The following DNAJC5B variants were observed in gnomAD, a reference collection of about 807,000 sequenced individuals.
DNAJC5B encodes the protein DnaJ heat shock protein family (Hsp40) member C5 beta.
In DNAJC5B, 23 loss-of-function variants were observed where a neutral mutation model predicts 24.7. That is an observed-to-expected ratio of 0.93 (90% CI 0.67 to 1.32). DNAJC5B has a LOEUF of 1.32. DNAJC5B is among the 40% of genes most tolerant of loss of function. The pLI is 0.00. For missense variants in DNAJC5B, 238 were observed against 240.8 expected (o/e 0.99, Z 0.08); for synonymous variants, 101 against 90.1 (o/e 1.12, Z -0.68).
chr8:66,077,566 C>A (rs933040221), intron 4 of DNAJC5B, among the ~76,000 whole-genome samples: 1 of 152,104 alleles, frequency 6.6e-6, no homozygotes, highest in Non-Finnish European at 1.5e-5. Flanking sequence ...ATATTAATAT[C>A]CTTATCTTCT....
intron 3 of DNAJC5B, among the ~76,000 whole-genome samples, chr8:66,063,177 A>C (rs374954713): frequency 6.6e-6 from 1 of 152,204 alleles, no homozygotes; most frequent in East Asian, 1.9e-4. Flanking sequence ...ATTTGACTTC[A>C]CATGGAATTT....
At chr8:66,034,825 G>A (rs1470320272) in intron 1 of DNAJC5B, among the ~76,000 whole-genome samples, 1 of 152,090 alleles carries the variant, frequency 6.6e-6, no homozygotes, top group Non-Finnish European at 1.5e-5. Flanking sequence ...GGAGGAGAAG[G>A]CTGATGCTGC....
rs189331650 is a variant in DNAJC5B at position 66,066,056 on chromosome 8, T to C, written c.120-10604T>C. The stretch of plus-strand genomic sequence containing the variant: ...GAAATCTGATGGTCAGGCTATTTTT[T>C]AGATAATTGGATGTGTTAAATAGAC... On this transcript the variant is annotated intron_variant, in intron 3 of 5. Transcript: ENST00000276570. Among the ~76,000 whole-genome samples the C allele has an allele frequency of 4.3e-3, 649 of 152,306 alleles. 5 individuals are homozygous for C. Among genetic ancestry groups the C allele is most frequent in the African/African-American group, 0.015 (615 of 41,578 alleles).
At chr8:66,026,612 C>G (rs928206656) in intron 1 of DNAJC5B, among the ~76,000 whole-genome samples, 1 of 152,262 alleles carries the variant, frequency 6.6e-6, no homozygotes, top group African/African-American at 2.4e-5. Flanking sequence ...CATCCCAGCC[C>G]AGCCCCCATG....
At position 66,076,744 on chromosome 8, in the gene DNAJC5B, C is replaced by T; in HGVS notation, c.204C>T (p.His68=). The change falls in exon 4 of 6, where the codon CAC becomes CAT. Residue 68 remains histidine (H), a synonymous_variant. Transcript: ENST00000276570. ...AGTTTAAAGAAATCAACAACGCCCA[C>T]GCAATACTTACCGACATTTCAAAGA... is the stretch of plus-strand genomic sequence containing the variant. The part of the protein sequence containing the change: ...TEKFKEINNA[H]AILTDISKRS... 3 of 1,614,158 alleles carry T rather than the reference C, an allele frequency of 1.9e-6. No homozygotes were observed. Among genetic ancestry groups the T allele is most frequent in the East Asian group, 2.2e-5 (1 of 44,884 alleles).
intron 3 of DNAJC5B, among the ~76,000 whole-genome samples, chr8:66,060,722 A>G (rs1807062400): frequency 6.6e-6 from 1 of 152,230 alleles, no homozygotes. Context: ...GCAGAAGCCA[A>G]GAAGGCTGAT....
At chr8:66,015,770 G>A in the DNAJC5B span, among the ~76,000 whole-genome samples, 450 of 152,284 alleles carry the variant, frequency 3.0e-3, 2 homozygotes, top group African/African-American at 0.01. Context: ...GAGTAGGGTA[G>A]GGTTGAAATT....
At chr8:66,031,855 C>A (rs1481795923) in intron 1 of DNAJC5B, among the ~76,000 whole-genome samples, 2 of 152,196 alleles carry the variant, frequency 1.3e-5, no homozygotes, top group Admixed American at 6.5e-5. Context: ...CCAAAACACC[C>A]ACGCAGACAC....
intron 1 of DNAJC5B, among the ~76,000 whole-genome samples, chr8:66,040,228 A>G (rs952040488): frequency 2.7e-5 from 4 of 150,924 alleles, no homozygotes; most frequent in Non-Finnish European, 5.9e-5. Context: ...CGTCTCTATT[A>G]AAATACAAAA....
At chr8:66,017,937 T>G (rs1373362755), upstream of DNAJC5B, among the ~76,000 whole-genome samples, 10 of 152,150 alleles carry the variant, frequency 6.6e-5, no homozygotes, top group African/African-American at 1.9e-4. Flanking sequence ...AAGAACAAAA[T>G]TCCTTTCTAT....
At chr8:66,052,212 C>G (rs1049700578) in intron 3 of DNAJC5B, among the ~76,000 whole-genome samples, 3 of 151,768 alleles carry the variant, frequency 2.0e-5, no homozygotes, top group African/African-American at 7.3e-5. Context: ...CCCACCTCGG[C>G]CTCCCAAAGT....
intron 5 of DNAJC5B, among the ~76,000 whole-genome samples, chr8:66,083,013 T>C (rs549761803): frequency 5.8e-4 from 80 of 139,070 alleles, no homozygotes; most frequent in Admixed American, 4.5e-3. Context: ...CTTTTTTTTT[T>C]TTTTTTTTTT....
chr8:66,030,881 C>T (rs1194061878), intron 1 of DNAJC5B, among the ~76,000 whole-genome samples: 1 of 152,208 alleles, frequency 6.6e-6, no homozygotes, highest in African/African-American at 2.4e-5. Context: ...AAGAGATCTG[C>T]CTACCTCGTC....
chr8:66,084,374 A>G (rs533702030), intron 5 of DNAJC5B, among the ~76,000 whole-genome samples: 15 of 152,348 alleles, frequency 9.8e-5, no homozygotes, highest in South Asian at 4.1e-4. Context: ...AGGCACTGGT[A>G]TGACACTGGG....
At chr8:66,035,586 C>A (rs141303688) in intron 1 of DNAJC5B, among the ~76,000 whole-genome samples, 2 of 152,162 alleles carry the variant, frequency 1.3e-5, no homozygotes, top group African/African-American at 4.8e-5. Context: ...TGATTGCTGG[C>A]GGCACAAGAG....
At chr8:66,042,646 C>T (rs1806637640) in intron 1 of DNAJC5B, among the ~76,000 whole-genome samples, 5 of 146,624 alleles carry the variant, frequency 3.4e-5, no homozygotes, top group African/African-American at 1.0e-4. Context: ...TCCTTCTCCT[C>T]CTTCTTCTTC....
At chr8:66,061,262 A>G (rs1807074643) in intron 3 of DNAJC5B, among the ~76,000 whole-genome samples, 2 of 152,188 alleles carry the variant, frequency 1.3e-5, no homozygotes, top group African/African-American at 4.8e-5. Flanking sequence ...ACCGCACTCC[A>G]GCCTGGGCAA....
At chr8:66,071,183 A>G (rs1241779056) in intron 3 of DNAJC5B, among the ~76,000 whole-genome samples, 1 of 152,230 alleles carries the variant, frequency 6.6e-6, no homozygotes, top group African/African-American at 2.4e-5. Context: ...AATGGCAACA[A>G]AAGCCAAAAT....
chr8:66,079,637 C>A (rs1326059826), intron 4 of DNAJC5B, among the ~76,000 whole-genome samples: 2 of 152,124 alleles, frequency 1.3e-5, no homozygotes, highest in African/African-American at 4.8e-5. Context: ...ATTGGCAGAG[C>A]CAGATCACCA....
Sources: allele counts gnomAD v4.1 joint callset (sites outside exome capture counted in the v4.1 genomes callset), GRCh38; gene constraint gnomAD v4.1.1; transcripts MANE v1.5; gene names NCBI Gene and HGNC (gene_info 2026-07-23, HGNC 2026-07-21).